Variants in STAB2 observed in about 807,000 individuals in gnomAD.
STAB2 encodes stabilin 2.
In STAB2, 288 loss-of-function variants were observed where a neutral mutation model predicts 338.1. The observed-to-expected ratio is 0.85, with a 90% CI of 0.77 to 0.94. STAB2 has a LOEUF of 0.94. Ranked by LOEUF, STAB2 falls within the 40% of genes least tolerant of loss-of-function variation. The pLI is 0.00. For missense variants in STAB2, 3,141 were observed against 3,210.1 expected (o/e 0.98, Z 0.52); for synonymous variants, 1,202 against 1,193.3 (o/e 1.01, Z -0.15).
At position 103,620,699 on chromosome 12, in the gene STAB2, T is replaced by C. The variant is rs1199617842; in HGVS notation, c.417+146T>C. On this transcript the variant is annotated intron_variant, in intron 4 of 68. Coordinates refer to ENST00000388887, the MANE Select transcript of STAB2 (RefSeq NM_017564.10). Reference sequence around the variant, plus strand: ...GCGAAGTTCTTAAGCAGTGAAGGTATTAATTTTTTAAAAATGTGCAATTTG... The same window carrying C: ...GCGAAGTTCTTAAGCAGTGAAGGTACTAATTTTTTAAAAATGTGCAATTTG... 7.8e-6 allele frequency: 6 copies of C among 767,250 alleles called. No homozygotes were observed. In the East Asian group the frequency reaches 8.3e-5, roughly 11 times the overall value. The allele number at this position is 767,250 out of a possible 1,614,324, so 47.5% of individuals were successfully genotyped here.
chr12:103,750,730 A>C lies in STAB2; in HGVS notation c.6580+10A>C. 2 of 1,608,232 alleles carry C rather than the reference A, an allele frequency of 1.2e-6. No homozygotes were observed. Among genetic ancestry groups the C allele is most frequent in the Non-Finnish European group, 1.7e-6 (2 of 1,175,442 alleles). On this transcript the variant is annotated intron_variant, in intron 60 of 68. Transcript: ENST00000388887. ...GACCTCCACTTCCAGGGTTAGTGTGACCAGGGCCTATGGCCCAAAGCACCC... is the reference window on the plus strand; with the variant it reads ...GACCTCCACTTCCAGGGTTAGTGTGCCCAGGGCCTATGGCCCAAAGCACCC...
intron 48 of STAB2, among the ~76,000 whole-genome samples, 190 bp downstream of exon 48, chr12:103,729,185 C>A (rs1421328168): frequency 6.6e-6 from 1 of 152,146 alleles, no homozygotes; most frequent in East Asian, 1.9e-4. Context: ...ACAATACACA[C>A]TGGGGCCTAG....
At position 103,745,160 on chromosome 12, in the gene STAB2, A is replaced by G. The variant is rs374855244; in HGVS notation, c.6032-13A>G. On this transcript the variant is annotated splice_polypyrimidine_tract_variant and intron_variant, in intron 56 of 68. Transcript: ENST00000388887. ...AACCCCTGATGACTGACCATATCCT[A>G]ATTTGTTTACAGCCTGTGGCTGCTC... 6.2e-7 allele frequency: 1 copy of G among 1,608,918 alleles called. No homozygotes were observed. Among genetic ancestry groups the G allele is most frequent in the Middle Eastern group, 1.7e-4 (1 of 6,030 alleles).
intron 58 of STAB2, among the ~76,000 whole-genome samples, chr12:103,746,954 T>C (rs994313353): frequency 6.3e-5 from 8 of 126,310 alleles, no homozygotes; most frequent in Non-Finnish European, 1.2e-4. Context: ...TCTTTCTTTT[T>C]TTTTTTTTTT....
chr12:103,762,203 G>C (rs1884587205), intron 66 of STAB2, 71 bp from the exon 67 acceptor site: 4 of 1,589,134 alleles, frequency 2.5e-6, no homozygotes, highest in Non-Finnish European at 3.4e-6. Context: ...AATGCCTCGG[G>C]CCACCAAGGG....
chr12:103,739,570 TGTGC>T (rs1882419507), intron 54 of STAB2, 102 bp downstream of exon 54: 4 of 822,842 alleles, frequency 4.9e-6, no homozygotes, highest in South Asian at 2.9e-5. Context: ...TGTGTGTGTG[TGTGC>T]CCGTGCACGT....
chr12:103,668,776 C>A, intron 20 of STAB2, 47 bp downstream of exon 20: 1 of 1,481,262 alleles, frequency 6.8e-7, no homozygotes, highest in South Asian at 1.3e-5. Flanking sequence ...TAGGGCCAGG[C>A]AGCTCCAGGG....
At chr12:103,654,859 C>G in intron 13 of STAB2, 161 bp downstream of exon 13, 1 of 858,864 alleles carries the variant, frequency 1.2e-6, no homozygotes, top group Non-Finnish European at 1.7e-6. Flanking sequence ...CAATAGAAAC[C>G]TGGGAATCTC....
rs775492446 is a variant in STAB2, at chr12:103,673,983, C to T, written c.2448C>T (p.Asp816=). Residue 816 remains aspartate, a synonymous_variant, in exon 23 of 69, where the codon GAC becomes GAT. Coordinates refer to ENST00000388887, the MANE Select transcript of STAB2 (RefSeq NM_017564.10). Reference sequence around the variant, plus strand: ...CCTGCCTCACTGGCACATGCAGAGACGGCTCTGCCGGGAGACTCTGTGATA... The same window carrying T: ...CCTGCCTCACTGGCACATGCAGAGATGGCTCTGCCGGGAGACTCTGTGATA... ...DGACLTGTCR[D]GSAGRLCDKQ... 45 of 1,614,002 alleles carry T rather than the reference C, an allele frequency of 2.8e-5. No individual in the cohort carries two copies. Among genetic ancestry groups the T allele is most frequent in the South Asian group, 9.9e-5 (9 of 91,096 alleles).
chr12:103,649,928 G>T (rs900270091), intron 10 of STAB2, among the ~76,000 whole-genome samples: 6 of 152,062 alleles, frequency 3.9e-5, no homozygotes, highest in African/African-American at 1.4e-4. Context: ...CTTATACACT[G>T]CCTCTGGGTG....
intron 9 of STAB2, among the ~76,000 whole-genome samples, chr12:103,641,522 C>T (rs890973644): frequency 3.9e-5 from 6 of 152,154 alleles, no homozygotes; most frequent in African/African-American, 1.2e-4. Flanking sequence ...CACAGCCATG[C>T]ATATAGGCAC....
At chr12:103,670,870 G>GGGTGCT in intron 22 of STAB2, 63 bp downstream of exon 22, 1 of 1,391,834 alleles carries the variant, frequency 7.2e-7, no homozygotes, top group Non-Finnish European at 1.0e-6. Flanking sequence ...TGCTGCAGCA[G>GGGTGCT]GGTGCTGGTG....
At chr12:103,703,086 C>G in intron 34 of STAB2, 62 bp from the exon 35 acceptor site, 2 of 1,561,848 alleles carry the variant, frequency 1.3e-6, no homozygotes, top group East Asian at 2.3e-5. Flanking sequence ...ACCTCCACTT[C>G]CTATCTTTTC....
At chr12:103,658,644 A>T (rs1565990772) in intron 15 of STAB2, among the ~76,000 whole-genome samples, 1 of 152,152 alleles carries the variant, frequency 6.6e-6, no homozygotes, top group Non-Finnish European at 1.5e-5. Context: ...GACTTGCAGA[A>T]GGTTACACAC....
intron 48 of STAB2, 74 bp downstream of exon 48, chr12:103,729,069 G>T: frequency 6.9e-7 from 1 of 1,455,728 alleles, no homozygotes; most frequent in South Asian, 1.2e-5. Context: ...GGAGCTGGAG[G>T]CCATCATCCT....
intron 1 of STAB2, 122 bp from the exon 2 acceptor site, chr12:103,590,775 A>AC (rs1956784003): frequency 1.7e-6 from 2 of 1,185,800 alleles, no homozygotes; most frequent in South Asian, 2.8e-5. Flanking sequence ...CAACCTTATC[A>AC]CCATCCCTGA....
intron 49 of STAB2, among the ~76,000 whole-genome samples, chr12:103,731,002 G>A (rs1348200431): frequency 2.0e-5 from 3 of 152,136 alleles, no homozygotes; most frequent in African/African-American, 7.2e-5. Flanking sequence ...GTGAGCTGAG[G>A]GCAGTGACCT....
chr12:103,607,809 T>C (rs376218563), intron 3 of STAB2, among the ~76,000 whole-genome samples: 3 of 152,194 alleles, frequency 2.0e-5, no homozygotes, highest in African/African-American at 4.8e-5. Context: ...GGGTTGGTTC[T>C]AAGTCTTTGC....
At chr12:103,618,032 A>G (rs1173740395) in intron 3 of STAB2, among the ~76,000 whole-genome samples, 1 of 152,196 alleles carries the variant, frequency 6.6e-6, no homozygotes, top group Non-Finnish European at 1.5e-5. Context: ...CTTCTAAAGA[A>G]CTAGCCTAGT....
Sources: gnomAD v4.1 joint callset for allele counts (sites outside exome capture counted in the v4.1 genomes callset) on GRCh38, gnomAD v4.1.1 for gene constraint, MANE v1.5 for transcripts, NCBI Gene and HGNC (gene_info 2026-07-23, HGNC 2026-07-21) for gene names.